LNPK: variants seen among roughly 807,000 people sequenced by gnomAD.
LNPK encodes endoplasmic reticulum junction formation protein lunapark.
In LNPK, 29 loss-of-function variants were observed where a neutral mutation model predicts 55.2. That is an observed-to-expected ratio of 0.53 (90% CI 0.39 to 0.72). The LOEUF (loss-of-function observed/expected upper bound fraction) is 0.72. LNPK is among the 30% of genes least tolerant of loss of function. The probability of loss-of-function intolerance (pLI) is 0.00; values close to 1 mark genes in which losing one functional copy is unlikely to be tolerated. For synonymous variants in LNPK, 162 were observed against 168.2 expected, an observed-to-expected ratio of 0.96 and a Z score of 0.29; for missense variants, 467 against 494.8, an observed-to-expected ratio of 0.94 and a Z score of 0.53.
intron 4 of LNPK, among the ~76,000 whole-genome samples, chr2:175,980,455 A>G (rs552776625): frequency 2.1e-4 from 32 of 152,356 alleles, no homozygotes; most frequent in African/African-American, 7.2e-4. Context: ...AGATTTTATA[A>G]GGATAATTCT....
chr2:175,935,708 CT>C, intron 12 of LNPK: 1 of 910,118 alleles, frequency 1.1e-6, no homozygotes, highest in Non-Finnish European at 1.3e-6. Context: ...ATAACATTAC[CT>C]TATTGGGGTT....
intron 12 of LNPK, among the ~76,000 whole-genome samples, chr2:175,931,232 C>T (rs529639619): frequency 7.2e-5 from 11 of 152,188 alleles, no homozygotes; most frequent in East Asian, 1.9e-4. Flanking sequence ...TGATTTCTTA[C>T]GATATACTAC....
chr2:175,944,022 T>C (rs1007412749), intron 9 of LNPK, among the ~76,000 whole-genome samples: 9 of 152,060 alleles, frequency 5.9e-5, no homozygotes, highest in Non-Finnish European at 1.2e-4. Flanking sequence ...ATGTAGAAAA[T>C]ACTATGTAAT....
At chr2:175,945,369 G>T (rs1685072523) in intron 9 of LNPK, among the ~76,000 whole-genome samples, 1 of 151,532 alleles carries the variant, frequency 6.6e-6, no homozygotes, top group Non-Finnish European at 1.5e-5. Flanking sequence ...GCCAGGCCTG[G>T]TGGTGCCCAC....
At chr2:175,980,081 A>G (rs1687100398) in intron 4 of LNPK, among the ~76,000 whole-genome samples, 1 of 152,216 alleles carries the variant, frequency 6.6e-6, no homozygotes, top group African/African-American at 2.4e-5. Flanking sequence ...AGACCTTCTG[A>G]TGATCCCCTT....
chr2:175,980,887 G>A lies in LNPK; in HGVS notation c.258-1019C>T, dbSNP rs184149306. On this transcript the variant is annotated intron_variant, in intron 4 of 12. Coordinates refer to ENST00000272748, the MANE Select transcript of LNPK (RefSeq NM_030650.3). ...ATGCCACTGCACTCCAGCCTAGGCGGCAGAGAAAGACTGTCCCAAAAAAAA... is the reference window on the plus strand; with the variant it reads ...ATGCCACTGCACTCCAGCCTAGGCGACAGAGAAAGACTGTCCCAAAAAAAA... 5.6e-3 allele frequency among the ~76,000 whole-genome samples: 790 copies of A among 141,150 alleles called. 6 individuals carry two copies. The highest frequency in any genetic ancestry group is 0.02 in the African/African-American group (756 of 38,662). The allele number at this position is 141,150 out of a possible 152,430, so 92.6% of individuals were successfully genotyped here.
rs1275984704 is a variant in LNPK, at chr2:175,964,376, T to C, written c.489A>G (p.Gly163=). Residue 163 remains glycine (G), a synonymous_variant, in exon 8 of 13, where the codon GGA becomes GGG. Transcript: ENST00000272748. Reference sequence around the variant, plus strand: ...AGTTTCTACTAAGTTATTTACCTTGTCCAGGTCTTGCAGTTACAGCTGCTC... The same window carrying C: ...AGTTTCTACTAAGTTATTTACCTTGCCCAGGTCTTGCAGTTACAGCTGCTC... ...SAGAAVTARP[G]QEIRQRTAAQ... is the part of the protein sequence containing the mutation. 2 of 1,612,930 alleles carry C rather than the reference T, an allele frequency of 1.2e-6. No homozygotes were observed. Among genetic ancestry groups the C allele is most frequent in the East Asian group, 2.2e-5 (1 of 44,848 alleles).
At chr2:175,997,638 T>C (rs1687989079) in intron 1 of LNPK, among the ~76,000 whole-genome samples, 2 of 152,064 alleles carry the variant, frequency 1.3e-5, no homozygotes, top group South Asian at 2.1e-4. Context: ...TTGAAATTAA[T>C]GGCACCAACA....
In LNPK at chr2:175,964,355, T is replaced by G. The variant is rs1686220905; in HGVS notation, c.493+17A>C. The G allele has an allele frequency of 1.2e-6, 2 of 1,607,444 alleles. No individual in the cohort carries two copies. The highest frequency in any genetic ancestry group is 1.7e-5 in the Admixed American group (1 of 59,752). On this transcript the variant is annotated intron_variant, in intron 8 of 12. Transcript: ENST00000272748. ...GATCTTTCCAACAGCAGCAGCAGTT[T>G]CTACTAAGTTATTTACCTTGTCCAG...
rs1687743666 is a variant in LNPK at position 175,992,344 on chromosome 2, C to G, written c.144G>C (p.Leu48=). Residue 48 remains leucine, a synonymous_variant, in exon 4 of 13, where the codon CTG becomes CTC. Transcript: ENST00000272748. The part of the protein sequence containing the change: ...LQKLWVGRLI[L]YSSVLYLFTC... Reference sequence around the variant, plus strand: ...TAAACAGATAGAGAACTGAGGAATACAGAATTAATCTTCCAACCCATAATT... The same window carrying G: ...TAAACAGATAGAGAACTGAGGAATAGAGAATTAATCTTCCAACCCATAATT... 1.9e-6 allele frequency: 3 copies of G among 1,545,620 alleles called. No individual in the cohort carries two copies. Among genetic ancestry groups the G allele is most frequent in the Non-Finnish European group, 2.6e-6 (3 of 1,151,778 alleles).
chr2:175,976,144 G>A (rs567612192), intron 5 of LNPK, among the ~76,000 whole-genome samples: 1 of 152,174 alleles, frequency 6.6e-6, no homozygotes, highest in Non-Finnish European at 1.5e-5. Flanking sequence ...ATAGGAACAA[G>A]CTAGAAAGTC....
chr2:175,975,750 C>A (rs142224529), intron 5 of LNPK, among the ~76,000 whole-genome samples: 155 of 152,330 alleles, frequency 1.0e-3, no homozygotes, highest in African/African-American at 3.3e-3. Context: ...GTGGCCCATG[C>A]CTGTAATCCC....
At chr2:175,956,465 C>CAACT (rs1685700438) in intron 8 of LNPK, among the ~76,000 whole-genome samples, 1 of 152,046 alleles carries the variant, frequency 6.6e-6, no homozygotes, top group South Asian at 2.1e-4. Flanking sequence ...TTACCTCCTC[C>CAACT]AACTGCAAGA....
intron 1 of LNPK, 85 bp from the exon 2 acceptor site, chr2:175,995,731 T>C: frequency 2.1e-6 from 1 of 482,018 alleles, no homozygotes; most frequent in Admixed American, 3.7e-5. Context: ...TAAAAAATGT[T>C]ATGAAATATT....
At chr2:175,954,939 T>C (rs1163256613) in intron 8 of LNPK, among the ~76,000 whole-genome samples, 1 of 152,146 alleles carries the variant, frequency 6.6e-6, no homozygotes, top group Non-Finnish European at 1.5e-5. Flanking sequence ...ACAAGCTAAA[T>C]GCCATATAAT....
chr2:175,980,052 T>G (rs1010135604), intron 4 of LNPK, among the ~76,000 whole-genome samples, 184 bp from the exon 5 acceptor site: 2 of 151,890 alleles, frequency 1.3e-5, no homozygotes, highest in African/African-American at 4.8e-5. Flanking sequence ...AAAGGAGGAG[T>G]TCTCAACCTA....
rs185184437 is a variant in LNPK at position 175,960,882 on chromosome 2, C to T, written c.493+3490G>A. On this transcript the variant is annotated intron_variant, in intron 8 of 12. Transcript: ENST00000272748. ...ATAAAAAATGATAAAGGGGATATCACCACTGATCCCACAGAAATACAAACT... is the reference window on the plus strand; with the variant it reads ...ATAAAAAATGATAAAGGGGATATCATCACTGATCCCACAGAAATACAAACT... Among the ~76,000 whole-genome samples, 159 of 152,264 alleles carry T rather than the reference C, an allele frequency of 1.0e-3. 1 individual carries two copies. Among genetic ancestry groups the T allele is most frequent in the African/African-American group, 3.4e-3 (142 of 41,542 alleles).
intron 11 of LNPK, 177 bp from the exon 12 acceptor site, chr2:175,937,691 CTAAT>C: frequency 4.5e-6 from 2 of 449,248 alleles, no homozygotes; most frequent in Non-Finnish European, 7.8e-6. Context: ...AGCATACTTC[CTAAT>C]TATTAGAATT....
At chr2:175,962,172 G>A (rs929924746) in intron 8 of LNPK, among the ~76,000 whole-genome samples, 2 of 152,026 alleles carry the variant, frequency 1.3e-5, no homozygotes, top group Admixed American at 6.6e-5. Flanking sequence ...CAAGCTACCA[G>A]TGACTTTCTT....
Sources: allele counts gnomAD v4.1 joint callset (sites outside exome capture counted in the v4.1 genomes callset), GRCh38; gene constraint gnomAD v4.1.1; transcripts MANE v1.5; gene names NCBI Gene and HGNC (gene_info 2026-07-23, HGNC 2026-07-21).